Variants in CLVS1 observed in about 807,000 individuals in gnomAD.
The protein encoded by CLVS1 is clavesin-1.
CLVS1 carries 10 observed loss-of-function variants against 33.1 expected under a neutral mutation model. The ratio of observed to expected loss-of-function variants is 0.30; its 90% CI spans 0.19 to 0.51. The LOEUF is 0.51. CLVS1 is among the 20% of genes least tolerant of loss of function. The pLI is 0.97. For missense variants in CLVS1, 343 were observed against 433.4 expected, an observed-to-expected ratio of 0.79 and a Z score of 1.85; for synonymous variants, 163 against 166.1, an observed-to-expected ratio of 0.98 and a Z score of 0.14.
intron 3 of CLVS1, among the ~76,000 whole-genome samples, chr8:61,444,199 T>A (rs1414890283): frequency 1.3e-5 from 2 of 152,180 alleles, no homozygotes; most frequent in Non-Finnish European, 2.9e-5. Context: ...TTTTTTCCTT[T>A]TTAATCTGTA....
At chr8:61,004,692 G>A in the CLVS1 span, among the ~76,000 whole-genome samples, 3 of 152,198 alleles carry the variant, frequency 2.0e-5, no homozygotes, top group South Asian at 6.2e-4. Flanking sequence ...GGCCTGCGCG[G>A]GCCTGGAGGA....
chr8:61,165,426 T>C (rs1018976130), intron 2 of CLVS1, among the ~76,000 whole-genome samples: 1 of 152,268 alleles, frequency 6.6e-6, no homozygotes, highest in African/African-American at 2.4e-5. Flanking sequence ...GTTTATATCC[T>C]GATCCTTGTC....
the CLVS1 span, among the ~76,000 whole-genome samples, chr8:60,983,493 C>T: frequency 1.3e-5 from 2 of 152,152 alleles, no homozygotes; most frequent in Non-Finnish European, 2.9e-5. Context: ...TTTCAAAAAG[C>T]CTTTGCTGCC....
intron 2 of CLVS1, among the ~76,000 whole-genome samples, chr8:61,191,600 T>C (rs1184919341): frequency 2.0e-5 from 3 of 152,224 alleles, no homozygotes; most frequent in Non-Finnish European, 4.4e-5. Flanking sequence ...TGTTTGCAGA[T>C]GACATGATTG....
chr8:61,127,466 C>T (rs571809010), intron 1 of CLVS1, among the ~76,000 whole-genome samples: 10 of 152,166 alleles, frequency 6.6e-5, no homozygotes, highest in South Asian at 2.1e-4. Context: ...GTAATCCATC[C>T]GCCTTGGCCT....
At chr8:61,077,862 C>T (rs1804951842) in intron 1 of CLVS1, among the ~76,000 whole-genome samples, 1 of 152,114 alleles carries the variant, frequency 6.6e-6, no homozygotes, top group African/African-American at 2.4e-5. Context: ...GGTGGGGGCC[C>T]GCTGCTCTGC....
intron 2 of CLVS1, among the ~76,000 whole-genome samples, chr8:61,242,150 T>A (rs1808709783): frequency 6.6e-6 from 1 of 152,212 alleles, no homozygotes; most frequent in African/African-American, 2.4e-5. Context: ...TAATCTTGTC[T>A]AAGGCTTGCT....
At chr8:61,393,949 G>T (rs1814410147) in intron 3 of CLVS1, among the ~76,000 whole-genome samples, 1 of 152,196 alleles carries the variant, frequency 6.6e-6, no homozygotes, top group Admixed American at 6.5e-5. Context: ...TGCAGGCAAT[G>T]GAATTGCCTG....
intron 2 of CLVS1, among the ~76,000 whole-genome samples, chr8:61,220,674 T>C (rs1044873700): frequency 1.2e-4 from 18 of 152,032 alleles, no homozygotes; most frequent in Admixed American, 7.2e-4. Flanking sequence ...AAATTTAAGA[T>C]AGTTTTTTCT....
intron 1 of CLVS1, among the ~76,000 whole-genome samples, chr8:61,093,610 A>G (rs923910683): frequency 1.3e-5 from 2 of 152,232 alleles, no homozygotes; most frequent in East Asian, 3.8e-4. Flanking sequence ...TTAGTGCTGC[A>G]TGTCATAAAT....
intron 1 of CLVS1, among the ~76,000 whole-genome samples, chr8:61,073,734 C>T (rs1408948857): frequency 3.3e-5 from 5 of 152,076 alleles, no homozygotes; most frequent in East Asian, 1.9e-4. Context: ...AACTAAAGGC[C>T]GGGCGCAGTG....
rs184686671 is a variant in CLVS1 at position 61,355,983 on chromosome 8, C to T, written c.456-20622C>T. Among the ~76,000 whole-genome samples, 434 of 152,296 alleles carry T rather than the reference C, an allele frequency of 2.8e-3. 2 individuals carry two copies. Among genetic ancestry groups the T allele is most frequent in the African/African-American group, 9.5e-3 (394 of 41,560 alleles). The stretch of plus-strand genomic sequence containing the variant: ...TTCTACTTCTAGATCCCTGAGGAAT[C>T]GCCACACTGACTTCCACAATGATTG... On this transcript the variant is annotated intron_variant, in intron 2 of 5. Coordinates refer to ENST00000325897, the MANE Select transcript of CLVS1 (RefSeq NM_173519.3).
intron 2 of CLVS1, among the ~76,000 whole-genome samples, chr8:61,371,465 C>A (rs1813434429): frequency 6.6e-6 from 1 of 152,034 alleles, no homozygotes; most frequent in Non-Finnish European, 1.5e-5. Flanking sequence ...TGTCTTGCTG[C>A]AGCACAAAAA....
chr8:61,497,485 A>G, intron 5 of CLVS1, among the ~76,000 whole-genome samples: 1 of 145,212 alleles, frequency 6.9e-6, no homozygotes, highest in Non-Finnish European at 1.5e-5. Flanking sequence ...TACCTTTGTG[A>G]CTGACCTTAA....
chr8:61,018,770 C>A, the CLVS1 span, among the ~76,000 whole-genome samples: 38 of 152,342 alleles, frequency 2.5e-4, no homozygotes, highest in East Asian at 6.7e-3. Flanking sequence ...GCAGCCTTGA[C>A]TAACTCAGTG....
rs56179025 is a variant in CLVS1, at chr8:61,347,626, TTATATATATATATATATATATATATA to T, written c.456-28947_456-28922del. Among the ~76,000 whole-genome samples the T allele has an allele frequency of 9.7e-3, 361 of 37,042 alleles. 10 individuals carry two copies. The highest frequency in any genetic ancestry group is 0.031 in the African/African-American group (229 of 7,430). The allele number at this position is 37,042 out of a possible 152,430, so 24.3% of individuals were successfully genotyped here. On this transcript the variant is annotated intron_variant, in intron 2 of 5. Coordinates refer to ENST00000325897, the MANE Select transcript of CLVS1 (RefSeq NM_173519.3). ...TTATTAGCTCAATTTGGCCATTCCA[TTATATATATATATATATATATATATA>T]TATATATATATATATATATATATAT...
intron 3 of CLVS1, among the ~76,000 whole-genome samples, chr8:61,385,862 A>G (rs1585896026): frequency 6.6e-6 from 1 of 152,206 alleles, no homozygotes; most frequent in Non-Finnish European, 1.5e-5. Context: ...CCAAGGTTCT[A>G]CACCTGAACC....
rs950659922 is a variant in CLVS1 at position 61,501,078 on chromosome 8, G to A, written c.*1536G>A. 1 of 151,682 alleles carries A rather than the reference G, an allele frequency of 6.6e-6. No homozygotes were observed. Among genetic ancestry groups the A allele is most frequent in the Non-Finnish European group, 1.5e-5 (1 of 67,978 alleles). 9.4% of individuals were successfully genotyped at this position (151,682 alleles called of 1,614,324 possible). On this transcript the variant is annotated 3_prime_UTR_variant, in exon 6 of 6. Transcript: ENST00000325897. ...AATTAAAAATATTTCTCAAACAACTGTATCACAATATAAATTAAACTAATT... is the reference window on the plus strand; with the variant it reads ...AATTAAAAATATTTCTCAAACAACTATATCACAATATAAATTAAACTAATT...
At chr8:61,052,882 G>T (rs566917214), upstream of CLVS1, among the ~76,000 whole-genome samples, 1 of 152,312 alleles carries the variant, frequency 6.6e-6, no homozygotes, top group East Asian at 1.9e-4. Context: ...GCACTGAAGG[G>T]TGCCTGGCTG....
Sources: gnomAD v4.1 joint callset for allele counts (sites outside exome capture counted in the v4.1 genomes callset) on GRCh38, gnomAD v4.1.1 for gene constraint, MANE v1.5 for transcripts, NCBI Gene and HGNC (gene_info 2026-07-23, HGNC 2026-07-21) for gene names.